ESYT2: variants seen among roughly 807,000 people sequenced by gnomAD.
ESYT2 encodes extended synaptotagmin 2.
In ESYT2, 54 loss-of-function variants were observed where a neutral mutation model predicts 107.2. The ratio of observed to expected loss-of-function variants is 0.50; its 90% confidence interval spans 0.40 to 0.63. The LOEUF (loss-of-function observed/expected upper bound fraction) is 0.63, where lower values mean the gene tolerates loss of function less well. Ranked by LOEUF, ESYT2 falls within the 30% of genes least tolerant of loss-of-function variation. The pLI is 0.00. For missense variants in ESYT2, 1,020 were observed against 1,094.5 expected (o/e 0.93, Z 0.96); for synonymous variants, 491 against 434.1 (o/e 1.13, Z -1.63).
intron 19 of ESYT2, among the ~76,000 whole-genome samples, chr7:158,738,456 A>T (rs537763295): frequency 6.7e-6 from 1 of 149,970 alleles, no homozygotes; most frequent in Non-Finnish European, 1.5e-5. Flanking sequence ...ATATTTGTGT[A>T]TTTTTTTTTC....
At chr7:158,759,674 TAAGA>T (rs1403776248) in intron 12 of ESYT2, 93 bp from the exon 13 acceptor site, 3 of 1,065,800 alleles carry the variant, frequency 2.8e-6, no homozygotes, top group South Asian at 1.6e-5. Context: ...ACGCTAAAAA[TAAGA>T]AAGGTGAGAA....
intron 1 of ESYT2, among the ~76,000 whole-genome samples, chr7:158,817,811 A>G (rs1374477029): frequency 6.6e-6 from 1 of 152,262 alleles, no homozygotes; most frequent in East Asian, 1.9e-4. Context: ...ACAAAGTTTC[A>G]TAAGAAAATG....
intron 1 of ESYT2, among the ~76,000 whole-genome samples, chr7:158,808,423 C>T (rs1002678406): frequency 6.6e-6 from 1 of 152,214 alleles, no homozygotes; most frequent in African/African-American, 2.4e-5. Flanking sequence ...CTTTATTTTA[C>T]TTAATGGCCC....
chr7:158,769,109 G>A (rs766742584), intron 7 of ESYT2, among the ~76,000 whole-genome samples: 1 of 152,106 alleles, frequency 6.6e-6, no homozygotes, highest in South Asian at 2.1e-4. Context: ...AATCGTCAGC[G>A]TTCAACAAAT....
At chr7:158,779,662 C>T (rs1241384696) in intron 6 of ESYT2, among the ~76,000 whole-genome samples, 1 of 152,146 alleles carries the variant, frequency 6.6e-6, no homozygotes, top group Non-Finnish European at 1.5e-5. Context: ...GCTGTGCAGA[C>T]GGTGCTGCGG....
At chr7:158,781,066 TAAG>T (rs1339054189) in intron 6 of ESYT2, among the ~76,000 whole-genome samples, 5 of 152,128 alleles carry the variant, frequency 3.3e-5, no homozygotes, top group Non-Finnish European at 7.4e-5. Flanking sequence ...TGTGAGAACA[TAAG>T]AGCAAATGTG....
At chr7:158,767,984 T>C (rs926709055) in intron 7 of ESYT2, among the ~76,000 whole-genome samples, 5 of 152,232 alleles carry the variant, frequency 3.3e-5, no homozygotes, top group African/African-American at 1.2e-4. Context: ...AGAATTTATT[T>C]ATAGAATACA....
intron 1 of ESYT2, among the ~76,000 whole-genome samples, chr7:158,821,849 A>G (rs550316307): frequency 3.9e-4 from 59 of 152,322 alleles, no homozygotes; most frequent in African/African-American, 1.4e-3. Flanking sequence ...CGCTGTTGCC[A>G]CTGAACGTAA....
intron 1 of ESYT2, among the ~76,000 whole-genome samples, chr7:158,826,276 A>G (rs1457811905): frequency 6.6e-6 from 1 of 152,218 alleles, no homozygotes; most frequent in African/African-American, 2.4e-5. Context: ...AAATCTCTCT[A>G]AAACTGTCAA....
chr7:158,793,679 T>C lies in ESYT2; in HGVS notation c.555A>G (p.Lys185=). The C allele has an allele frequency of 1.9e-6, 3 of 1,613,562 alleles. No homozygotes were observed. Among genetic ancestry groups the C allele is most frequent in the Non-Finnish European group, 2.5e-6 (3 of 1,179,738 alleles). ...GVKVYTENVD[K]RQIILDLQIS... The stretch of plus-strand genomic sequence containing the variant: ...TCTGAAGGTCCAAAATAATTTGCCT[T>C]TTGTCTACATTTTCAGTGTATACCT... The change falls in exon 4 of 23, where the codon AAA becomes AAG. Residue 185 remains lysine, a synonymous_variant. Coordinates refer to ENST00000275418, the MANE Select transcript of ESYT2 (RefSeq NM_001367773.1).
chr7:158,817,465 C>A (rs1449426989), intron 1 of ESYT2, among the ~76,000 whole-genome samples: 1 of 152,254 alleles, frequency 6.6e-6, no homozygotes, highest in African/African-American at 2.4e-5. Flanking sequence ...CCCACACCAA[C>A]CTGCTTCCAG....
intron 6 of ESYT2, among the ~76,000 whole-genome samples, chr7:158,775,230 C>A (rs559242783): frequency 5.3e-5 from 8 of 152,260 alleles, no homozygotes; most frequent in African/African-American, 1.9e-4. Context: ...AAGCCTTCAG[C>A]GCGTCATAAT....
At chr7:158,825,112 G>A (rs774890158) in intron 1 of ESYT2, among the ~76,000 whole-genome samples, 2 of 152,198 alleles carry the variant, frequency 1.3e-5, no homozygotes, top group Non-Finnish European at 2.9e-5. Context: ...GGCCAACATG[G>A]TGAAACCCTG....
At chr7:158,738,092 C>T (rs1837031535) in intron 19 of ESYT2, among the ~76,000 whole-genome samples, 1 of 152,002 alleles carries the variant, frequency 6.6e-6, no homozygotes. Context: ...CTGGTGGCTT[C>T]CACCTATAGT....
At position 158,733,779 on chromosome 7, in the gene ESYT2, T is replaced by A. The variant is rs1303982804; in HGVS notation, c.*428A>T. ...TTTGTCACACGAATTTAATAAGTTT[T>A]AGAAGAAAATATATATATTTCCTTG... On this transcript the variant is annotated 3_prime_UTR_variant, in exon 23 of 23. Coordinates refer to ENST00000275418, the MANE Select transcript of ESYT2 (RefSeq NM_001367773.1). 1 of 153,410 alleles carries A rather than the reference T, an allele frequency of 6.5e-6. No individual in the cohort carries two copies. Among genetic ancestry groups the A allele is most frequent in the African/African-American group, 2.4e-5 (1 of 41,490 alleles). 9.5% of individuals were successfully genotyped at this position (153,410 alleles called of 1,614,324 possible). A position where few individuals can be genotyped will look rare whatever the true frequency, so the allele number is the denominator to read the frequency against.
chr7:158,811,591 C>T (rs1464501373), intron 1 of ESYT2, among the ~76,000 whole-genome samples: 1 of 152,150 alleles, frequency 6.6e-6, no homozygotes, highest in Non-Finnish European at 1.5e-5. Flanking sequence ...GTGCACAGGC[C>T]GCCACAGCTC....
chr7:158,790,654 T>C (rs1391291804), intron 4 of ESYT2, among the ~76,000 whole-genome samples: 1 of 152,160 alleles, frequency 6.6e-6, no homozygotes, highest in African/African-American at 2.4e-5. Context: ...TGGCTGGGCA[T>C]GGTGGCTCAT....
chr7:158,828,295 A>T (rs1050470912), intron 1 of ESYT2, among the ~76,000 whole-genome samples: 18 of 152,222 alleles, frequency 1.2e-4, no homozygotes, highest in Admixed American at 9.8e-4. Context: ...AAACAGAGAG[A>T]AGGAAAAGCT....
At chr7:158,760,023 TA>T in intron 12 of ESYT2, 34 bp downstream of exon 12, 1 of 1,596,004 alleles carries the variant, frequency 6.3e-7, no homozygotes, top group Non-Finnish European at 8.6e-7. Context: ...AGTAGTTGGT[TA>T]GGTAGTTTTC....
Sources: allele counts gnomAD v4.1 joint callset (sites outside exome capture counted in the v4.1 genomes callset), GRCh38; gene constraint gnomAD v4.1.1; transcripts MANE v1.5; gene names NCBI Gene and HGNC (gene_info 2026-07-23, HGNC 2026-07-21).